AREL1: variants seen among roughly 807,000 people sequenced by gnomAD.
AREL1 encodes apoptosis resistant E3 ubiquitin protein ligase 1, also known as apoptosis-resistant E3 ubiquitin protein ligase 1.
A neutral mutation model predicts 99.0 loss-of-function variants in AREL1; 62 were observed. The observed-to-expected ratio is 0.63, with a 90% CI of 0.51 to 0.77. The LOEUF (loss-of-function observed/expected upper bound fraction) is 0.77. AREL1 is among the 30% of genes least tolerant of loss of function. AREL1 has a pLI of 0.00. For synonymous variants in AREL1, 380 were observed against 376.5 expected, an observed-to-expected ratio of 1.01 and a Z score of -0.11; for missense variants, 879 against 1,027.6, an observed-to-expected ratio of 0.86 and a Z score of 1.98.
chr14:74,670,621 A>T, intron 13 of AREL1, 141 bp downstream of exon 13: 3 of 671,054 alleles, frequency 4.5e-6, no homozygotes, highest in Non-Finnish European at 7.5e-6. Flanking sequence ...AGACAATCTG[A>T]TTAGCTTATA....
At chr14:74,669,473 G>A (rs78399573) in intron 15 of AREL1, among the ~76,000 whole-genome samples, 176 bp downstream of exon 15, 3 of 152,118 alleles carry the variant, frequency 2.0e-5, no homozygotes, top group African/African-American at 4.8e-5. Flanking sequence ...GTGTAGTTAT[G>A]TAAGTATACA....
chr14:74,687,431 G>T (rs1363015883), intron 2 of AREL1, among the ~76,000 whole-genome samples: 1 of 152,110 alleles, frequency 6.6e-6, no homozygotes, highest in Non-Finnish European at 1.5e-5. Flanking sequence ...AAAAAGAGTT[G>T]CAATTTAATA....
intron 5 of AREL1, among the ~76,000 whole-genome samples, chr14:74,677,215 C>T (rs547794931): frequency 2.4e-4 from 36 of 151,920 alleles, no homozygotes; most frequent in African/African-American, 8.0e-4. Flanking sequence ...GGAAGAGAGG[C>T]CAGGTGCGGT....
intron 1 of AREL1, among the ~76,000 whole-genome samples, chr14:74,693,807 G>T (rs1391120971): frequency 2.6e-5 from 4 of 152,188 alleles, no homozygotes; most frequent in Non-Finnish European, 5.9e-5. Context: ...AACAGAATGA[G>T]TGAAGACCAG....
chr14:74,672,911 G>A lies in AREL1; in HGVS notation c.1342C>T (p.Arg448Ter), dbSNP rs769282593. The A allele has an allele frequency of 9.3e-6, 15 of 1,614,072 alleles. No homozygotes were observed. The highest frequency in any genetic ancestry group is 1.2e-5 in the Non-Finnish European group (14 of 1,180,004). Residue 448 changes from arginine (R) to a stop codon, truncating the protein, a stop_gained, in exon 11 of 20, where the codon CGA becomes TGA. Coordinates refer to ENST00000356357, the MANE Select transcript of AREL1 (RefSeq NM_001039479.2). LOFTEE classifies it high-confidence loss of function. Reference sequence around the variant, plus strand: ...TTCATATGTACCTGCCGAAGCTCTCGCTGGAAAAAGTTCACCTTGTCCTGA... The same window carrying A: ...TTCATATGTACCTGCCGAAGCTCTCACTGGAAAAAGTTCACCTTGTCCTGA... Reference protein sequence around the residue: ...TFQDKVNFFQRELRQVHMKRP... With the variant: ...TFQDKVNFFQ
intron 1 of AREL1, 113 bp from the exon 2 acceptor site, chr14:74,692,441 A>G (rs370042147): frequency 1.4e-4 from 46 of 329,806 alleles, no homozygotes; most frequent in African/African-American, 9.3e-4. Flanking sequence ...CTGGGACACT[A>G]AAAATAACCA....
chr14:74,684,364 A>AAATGTTAACATTCCAGGCCAGCACCTGG, intron 4 of AREL1, 90 bp downstream of exon 4: 1 of 1,162,458 alleles, frequency 8.6e-7, no homozygotes, highest in Non-Finnish European at 1.3e-6. Flanking sequence ...AAACAAGAGA[A>AAATGTTAACATTCCAGGCCAGCACCTGG]AATGTTAACA....
chr14:74,664,949 A>C, intron 17 of AREL1, 24 bp from the exon 18 acceptor site: 1 of 1,599,026 alleles, frequency 6.3e-7, no homozygotes, highest in South Asian at 1.1e-5. Context: ...GTAAGGTGTT[A>C]CTATGACAGT....
chr14:74,701,436 G>A (rs2139975820), intron 1 of AREL1, among the ~76,000 whole-genome samples: 1 of 152,296 alleles, frequency 6.6e-6, no homozygotes, highest in Admixed American at 6.5e-5. Context: ...AAGAGAGAAT[G>A]AGAGCCAAGC....
At chr14:74,708,091 G>T (rs1010744123) in intron 1 of AREL1, among the ~76,000 whole-genome samples, 3 of 152,096 alleles carry the variant, frequency 2.0e-5, no homozygotes, top group Admixed American at 1.3e-4. Context: ...TTTAGTAATA[G>T]TATTGTACCA....
Position 74,712,933 on chromosome 14 carries a change from C to T in AREL1, c.-334G>A, listed in dbSNP as rs1335517453. Reference sequence around the variant, plus strand: ...GCCTAAGGCTGGAGAGAAACGTTACCCGAGCCGGGGGTTGCAGCGCGACGA... The same window carrying T: ...GCCTAAGGCTGGAGAGAAACGTTACTCGAGCCGGGGGTTGCAGCGCGACGA... On this transcript the variant is annotated splice_region_variant and 5_prime_UTR_variant, in exon 1 of 20. Coordinates refer to ENST00000356357, the MANE Select transcript of AREL1 (RefSeq NM_001039479.2). 3 of 679,116 alleles carry T rather than the reference C, an allele frequency of 4.4e-6. No homozygotes were observed. The highest frequency in any genetic ancestry group is 8.1e-6 in the Non-Finnish European group (3 of 371,220). The allele number at this position is 679,116 out of a possible 1,614,324, so 42.1% of individuals were successfully genotyped here. A position where few individuals can be genotyped will look rare whatever the true frequency, so the allele number is the denominator to read the frequency against.
intron 1 of AREL1, among the ~76,000 whole-genome samples, chr14:74,699,378 A>T (rs4899531): frequency 0.79 from 104,815 of 132,616 alleles, 38,612 homozygotes; most frequent in Middle Eastern, 0.83. Context: ...TGTGTGTGTG[A>T]GAGAGAGAGA....
intron 11 of AREL1, 129 bp from the exon 12 acceptor site, chr14:74,671,612 C>A: frequency 5.8e-6 from 3 of 516,806 alleles, no homozygotes; most frequent in Non-Finnish European, 6.9e-6. Flanking sequence ...ATATGTTACT[C>A]ATAAACAAGC....
intron 1 of AREL1, among the ~76,000 whole-genome samples, chr14:74,702,841 T>C (rs549444288): frequency 6.6e-6 from 1 of 152,252 alleles, no homozygotes; most frequent in East Asian, 1.9e-4. Context: ...ATGATTCCAG[T>C]CTCCTTGCTA....
In AREL1 at chr14:74,661,716, A is replaced by C. The variant is rs3813559; in HGVS notation, c.*2004T>G. On this transcript the variant is annotated 3_prime_UTR_variant, in exon 20 of 20. Transcript: ENST00000356357. ...ACAATAGTGCCAAAGGGTTTTGTTT[A>C]ACAAAGACTGGTGCCTAAGGACCAC... 6.0e-3 allele frequency: 958 copies of C among 160,260 alleles called. 9 individuals carry two copies. Among genetic ancestry groups the C allele is most frequent in the East Asian group, 0.027 (141 of 5,314 alleles). 9.9% of individuals were successfully genotyped at this position (160,260 alleles called of 1,614,324 possible).
intron 1 of AREL1, among the ~76,000 whole-genome samples, chr14:74,707,497 C>T (rs1566706900): frequency 6.8e-6 from 1 of 147,140 alleles, no homozygotes; most frequent in Non-Finnish European, 1.5e-5. Flanking sequence ...CCCATCTCTA[C>T]TAAAAATACA....
At chr14:74,691,932 C>T (rs2089890133) in intron 2 of AREL1, 109 bp downstream of exon 2, 1 of 211,088 alleles carries the variant, frequency 4.7e-6, no homozygotes, top group Non-Finnish European at 9.6e-6. Context: ...ATTCTCACTG[C>T]AACTGTATAC....
At chr14:74,683,637 A>G in intron 4 of AREL1, 104 bp from the exon 5 acceptor site, 1 of 922,106 alleles carries the variant, frequency 1.1e-6, no homozygotes. Flanking sequence ...AGACCACACC[A>G]GTAAATCCCA....
At chr14:74,702,224 C>T (rs12892937) in intron 1 of AREL1, among the ~76,000 whole-genome samples, 48,239 of 151,962 alleles carry the variant, frequency 0.32, 9,075 homozygotes, top group African/African-American at 0.53. Context: ...CACATTTCCC[C>T]CCAACATTGC....
Sources: allele counts gnomAD v4.1 joint callset (sites outside exome capture counted in the v4.1 genomes callset), GRCh38; gene constraint gnomAD v4.1.1; transcripts MANE v1.5; gene names NCBI Gene and HGNC (gene_info 2026-07-23, HGNC 2026-07-21).